Variants in FGFR2 observed in about 807,000 individuals in gnomAD.
FGFR2 encodes the protein BEK fibroblast growth factor receptor.
FGFR2 carries 19 observed loss-of-function variants against 95.9 expected under a neutral mutation model. That is an observed-to-expected ratio of 0.20 (90% CI 0.14 to 0.29). FGFR2 has a LOEUF of 0.29. FGFR2 is among the 10% of genes least tolerant of loss of function. The pLI, the probability that FGFR2 is intolerant of heterozygous loss-of-function variation, is 1.00. For missense variants in FGFR2, 707 were observed against 1,056.9 expected, an observed-to-expected ratio of 0.67 and a Z score of 4.59; for synonymous variants, 392 against 393.3, an observed-to-expected ratio of 1.00 and a Z score of 0.04.
intron 4 of FGFR2, among the ~76,000 whole-genome samples, chr10:121,563,604 G>A (rs901440150): frequency 5.9e-5 from 9 of 152,138 alleles, no homozygotes; most frequent in Non-Finnish European, 1.3e-4. Context: ...ACATTTGCAA[G>A]CAACCACTCT....
intron 2 of FGFR2, among the ~76,000 whole-genome samples, chr10:121,570,350 C>T (rs768530520): frequency 1.1e-4 from 17 of 152,330 alleles, no homozygotes; most frequent in Non-Finnish European, 1.9e-4. Context: ...CCAGGCTGCG[C>T]GGAGCCAGGA....
chr10:121,591,700 G>A (rs1181055460), intron 2 of FGFR2, among the ~76,000 whole-genome samples: 1 of 152,094 alleles, frequency 6.6e-6, no homozygotes, highest in Non-Finnish European at 1.5e-5. Context: ...GGATGCAAAT[G>A]AACTCATAGC....
At chr10:121,586,236 C>T (rs1590101333) in intron 2 of FGFR2, among the ~76,000 whole-genome samples, 1 of 152,176 alleles carries the variant, frequency 6.6e-6, no homozygotes, top group African/African-American at 2.4e-5. Flanking sequence ...CGTTAGAGCT[C>T]AGAATTGAGT....
In FGFR2 at chr10:121,500,853, C is replaced by T. The variant is rs1204979359; in HGVS notation, c.1534G>A (p.Val512Ile). 4 of 1,614,214 alleles carry T rather than the reference C, an allele frequency of 2.5e-6. No individual in the cohort carries two copies. The highest frequency in any genetic ancestry group is 1.1e-5 in the South Asian group (1 of 91,082). The change falls in exon 11 of 18, where the codon GTC (valine) becomes ATC (isoleucine). Residue 512 changes from valine (V) to isoleucine (I), a missense_variant. By Grantham distance (29) the Val-to-Ile change is conservative. This residue lies in a region of FGFR2 where 194 missense variants were observed against 267.3 expected (regional missense o/e 0.73). Transcript: ENST00000358487. ...GIDKDKPKEA[V>I]TVAVKMLKDD... Reference sequence around the variant, plus strand: ...TTCAACATCTTCACGGCCACGGTGACCGCCTCCTTGGGCTTGTCTTTGTCA... The same window carrying T: ...TTCAACATCTTCACGGCCACGGTGATCGCCTCCTTGGGCTTGTCTTTGTCA...
At chr10:121,492,678 T>C (rs1240898457) in intron 13 of FGFR2, among the ~76,000 whole-genome samples, 1 of 152,212 alleles carries the variant, frequency 6.6e-6, no homozygotes, top group Non-Finnish European at 1.5e-5. Flanking sequence ...CCTCCATTTT[T>C]GGAAGCAGAG....
intron 2 of FGFR2, among the ~76,000 whole-genome samples, chr10:121,578,218 A>G (rs1860242436): frequency 1.0e-5 from 1 of 97,860 alleles, no homozygotes; most frequent in Admixed American, 1.2e-4. Context: ...AAAGTCAGAG[A>G]GAATAAAACC....
chr10:121,566,391 A>G (rs1395965712), intron 2 of FGFR2, among the ~76,000 whole-genome samples: 1 of 152,220 alleles, frequency 6.6e-6, no homozygotes, highest in Non-Finnish European at 1.5e-5. Context: ...CAAAATGCCC[A>G]GACAGCTGCA....
chr10:121,553,325 T>A (rs1262512966), intron 4 of FGFR2, among the ~76,000 whole-genome samples: 1 of 152,138 alleles, frequency 6.6e-6, no homozygotes, highest in Non-Finnish European at 1.5e-5. Context: ...GCAACCTGGG[T>A]AGACATTTGG....
At chr10:121,556,274 G>A (rs529961217) in intron 4 of FGFR2, among the ~76,000 whole-genome samples, 2 of 152,260 alleles carry the variant, frequency 1.3e-5, no homozygotes, top group South Asian at 4.1e-4. Context: ...TCAACAAATG[G>A]TAGGATTATG....
chr10:121,568,106 A>G (rs1286391748), intron 2 of FGFR2, among the ~76,000 whole-genome samples: 2 of 152,210 alleles, frequency 1.3e-5, no homozygotes, highest in African/African-American at 4.8e-5. Context: ...CAGAAAAAAG[A>G]AAGGAAGAGA....
At chr10:121,498,319 C>T (rs111559564) in intron 12 of FGFR2, among the ~76,000 whole-genome samples, 176 bp downstream of exon 12, 6 of 152,328 alleles carry the variant, frequency 3.9e-5, no homozygotes, top group Admixed American at 2.0e-4. Context: ...CAGGTACGGG[C>T]ACAGACCCTT....
chr10:121,581,523 G>A (rs995808815), intron 2 of FGFR2, among the ~76,000 whole-genome samples: 1 of 149,024 alleles, frequency 6.7e-6, no homozygotes, highest in African/African-American at 2.5e-5. Flanking sequence ...AGGATCGCTT[G>A]AGCCCAGGAG....
At chr10:121,493,575 G>A (rs906224661) in intron 13 of FGFR2, among the ~76,000 whole-genome samples, 1 of 152,148 alleles carries the variant, frequency 6.6e-6, no homozygotes, top group African/African-American at 2.4e-5. Flanking sequence ...CTCGGCCTCC[G>A]CTGCTGTTTC....
intron 13 of FGFR2, among the ~76,000 whole-genome samples, chr10:121,492,459 A>C (rs1846265673): frequency 6.6e-6 from 1 of 152,134 alleles, no homozygotes; most frequent in Non-Finnish European, 1.5e-5. Context: ...GAGGCCAGGC[A>C]CTGTGTGTTC....
In FGFR2 at chr10:121,487,662, C is replaced by T. The variant is rs1649199; in HGVS notation, c.1987-238G>A. On this transcript the variant is annotated intron_variant, in intron 14 of 17. Coordinates refer to ENST00000358487, the MANE Select transcript of FGFR2 (RefSeq NM_000141.5). ...CCTTTATCTCCCTAGCACACAGATG[C>T]TCCTTGACCAGTTATTAGGCAAAAA... 0.19 allele frequency among the ~76,000 whole-genome samples: 28,548 copies of T among 152,172 alleles called. 3,226 individuals carry two copies. The highest frequency in any genetic ancestry group is 0.31 in the African/African-American group (12,699 of 41,496).
intron 1 of FGFR2, among the ~76,000 whole-genome samples, chr10:121,594,813 A>T (rs762576166): frequency 6.6e-6 from 1 of 152,216 alleles, no homozygotes; most frequent in Non-Finnish European, 1.5e-5. Context: ...ATTAATAATG[A>T]TGATGTAAAT....
chr10:121,499,830 T>C (rs1476827915), intron 11 of FGFR2, among the ~76,000 whole-genome samples: 1 of 152,166 alleles, frequency 6.6e-6, no homozygotes, highest in Non-Finnish European at 1.5e-5. Context: ...AGCACTCTAG[T>C]TTTCCTTGGG....
chr10:121,548,069 C>A (rs1009424836), intron 5 of FGFR2, among the ~76,000 whole-genome samples: 1 of 151,974 alleles, frequency 6.6e-6, no homozygotes, highest in Non-Finnish European at 1.5e-5. Context: ...CGTTCAATGC[C>A]ACTGCTGTTG....
rs1409598916 is a variant in FGFR2 at position 121,565,355 on chromosome 10, G to C, written c.376+83C>G. The C allele has an allele frequency of 1.9e-6, 3 of 1,568,850 alleles. No individual in the cohort carries two copies. The African/African-American group carries it at 4.0e-5, about 21-fold the overall frequency. On this transcript the variant is annotated intron_variant, in intron 3 of 17. Coordinates refer to ENST00000358487, the MANE Select transcript of FGFR2 (RefSeq NM_000141.5). Reference sequence around the variant, plus strand: ...TATGCCTGGCATCCAATTACAATTAGAGATCTCACTACCTTTTCACTTGGC... The same window carrying C: ...TATGCCTGGCATCCAATTACAATTACAGATCTCACTACCTTTTCACTTGGC...
Sources: allele counts gnomAD v4.1 joint callset (sites outside exome capture counted in the v4.1 genomes callset), GRCh38; gene constraint gnomAD v4.1.1; regional missense constraint gnomAD v4.1.1; transcripts MANE v1.5; gene names NCBI Gene and HGNC (gene_info 2026-07-23, HGNC 2026-07-21).